CYB5R4: variants seen among roughly 807,000 people sequenced by gnomAD.
CYB5R4 encodes the protein N-terminal cytochrome b5 and cytochrome b5 oxidoreductase domain-containing protein.
Under a neutral mutation model 70.2 loss-of-function variants are expected in CYB5R4, and 55 were observed. That is an observed-to-expected ratio of 0.78 (90% confidence interval 0.63 to 0.98). The LOEUF (loss-of-function observed/expected upper bound fraction) is 0.98. CYB5R4 is among the 50% of genes least tolerant of loss of function. The pLI is 0.00. For missense variants in CYB5R4, 562 were observed against 612.6 expected (o/e 0.92, Z 0.87); for synonymous variants, 197 against 199.5 (o/e 0.99, Z 0.11).
chr6:83,949,114 C>CTTT (rs35294668), intron 14 of CYB5R4, among the ~76,000 whole-genome samples: 4 of 125,854 alleles, frequency 3.2e-5, no homozygotes, highest in Non-Finnish European at 3.4e-5. Flanking sequence ...GCGTTTTGGG[C>CTTT]TTTTTTTTTT....
intron 3 of CYB5R4, among the ~76,000 whole-genome samples, chr6:83,901,862 C>G (rs1160536188): frequency 6.6e-6 from 1 of 151,900 alleles, no homozygotes; most frequent in East Asian, 1.9e-4. Flanking sequence ...TGTTCTTTGC[C>G]CACTTCTTAA....
chr6:83,954,417 G>A (rs1440015759), intron 14 of CYB5R4, among the ~76,000 whole-genome samples: 1 of 152,084 alleles, frequency 6.6e-6, no homozygotes, highest in East Asian at 1.9e-4. Flanking sequence ...GGTTCAGGGG[G>A]TACATGTGCA....
intron 2 of CYB5R4, among the ~76,000 whole-genome samples, chr6:83,871,277 C>A (rs1025246559): frequency 2.0e-5 from 3 of 152,040 alleles, no homozygotes; most frequent in Non-Finnish European, 4.4e-5. Flanking sequence ...CCACACCTGG[C>A]CTGTTCATTG....
intron 14 of CYB5R4, among the ~76,000 whole-genome samples, chr6:83,949,958 A>G (rs7745337): frequency 0.042 from 6,396 of 152,252 alleles, 460 homozygotes; most frequent in African/African-American, 0.15. Flanking sequence ...TCATTCATTC[A>G]TTCGTAAAAT....
chr6:83,941,129 A>G lies in CYB5R4; in HGVS notation c.1346+528A>G, dbSNP rs141352567. ...CGCTCTTTCACTAGTGATCCTTGGT[A>G]CACACTTTGGGAAGTGCTGGTACAG... On this transcript the variant is annotated intron_variant, in intron 14 of 15. Transcript: ENST00000369681. Among the ~76,000 whole-genome samples, 6 of 152,326 alleles carry G rather than the reference A, an allele frequency of 3.9e-5. No homozygotes were observed. In the East Asian group the frequency reaches 9.6e-4, roughly 24 times the overall value.
At chr6:83,947,943 C>A (rs1226268608) in intron 14 of CYB5R4, among the ~76,000 whole-genome samples, 38 of 152,056 alleles carry the variant, frequency 2.5e-4, no homozygotes, top group Non-Finnish European at 4.6e-4. Context: ...TAGTTCAACC[C>A]TTGTGGAAGA....
chr6:83,959,723 G>A (rs746077246), intron 15 of CYB5R4, 101 bp from the exon 16 acceptor site: 315 of 1,029,202 alleles, frequency 3.1e-4, no homozygotes, highest in Non-Finnish European at 4.2e-4. Context: ...TAGTGAATGG[G>A]GAAAATGAAA....
At position 83,948,571 on chromosome 6, in the gene CYB5R4, TTC is replaced by T. The variant is rs1457933356; in HGVS notation, c.1347-6725_1347-6724del. 3.3e-5 allele frequency among the ~76,000 whole-genome samples: 5 copies of T among 152,286 alleles called. No individual in the cohort carries two copies. In the East Asian group the frequency reaches 9.6e-4, roughly 29 times the overall value. On this transcript the variant is annotated intron_variant, in intron 14 of 15. Coordinates refer to ENST00000369681, the MANE Select transcript of CYB5R4 (RefSeq NM_016230.4). ...TTAAGATTGTTTTTTAGAAAAGTAT[TTC>T]TGATGGTTTTTTGGCTAAGGTATTC...
chr6:83,923,847 C>T (rs2099466821), intron 9 of CYB5R4, among the ~76,000 whole-genome samples: 1 of 151,212 alleles, frequency 6.6e-6, no homozygotes, highest in African/African-American at 2.4e-5. Flanking sequence ...GGGCGGATCT[C>T]GAGGTCAGGA....
intron 8 of CYB5R4, among the ~76,000 whole-genome samples, chr6:83,921,453 A>T (rs2099466358): frequency 6.6e-6 from 1 of 152,210 alleles, no homozygotes; most frequent in Admixed American, 6.5e-5. Context: ...CTCGTGCCTG[A>T]CACCTACAAG....
intron 4 of CYB5R4, among the ~76,000 whole-genome samples, chr6:83,912,229 T>C (rs2099464808): frequency 6.6e-6 from 1 of 152,118 alleles, no homozygotes; most frequent in Admixed American, 6.5e-5. Flanking sequence ...TTTCTGTTGA[T>C]GTTGTTGTTG....
At chr6:83,949,076 T>C (rs755049337) in intron 14 of CYB5R4, among the ~76,000 whole-genome samples, 3 of 151,874 alleles carry the variant, frequency 2.0e-5, no homozygotes, top group Non-Finnish European at 4.4e-5. Flanking sequence ...CCTAGTATTG[T>C]GTAATTTATG....
Position 83,934,696 on chromosome 6 carries a change from C to T in CYB5R4, c.916C>T (p.Pro306Ser). The change falls in exon 11 of 16, where the codon CCC (proline) becomes TCC (serine). Residue 306 changes from proline to serine, a missense_variant. Physicochemically the swap from Pro to Ser is moderately conservative, Grantham distance 74. Coordinates refer to ENST00000369681, the MANE Select transcript of CYB5R4 (RefSeq NM_016230.4). The stretch of plus-strand genomic sequence containing the variant: ...GCCACCAAGCACTCATCTTCAAGTG[C>T]CCATTGGGCAACATGTTTACCTCAA... ...MLPPSTHLQV[P>S]IGQHVYLKLP... is the part of the protein sequence containing the mutation. The T allele has an allele frequency of 6.2e-7, 1 of 1,613,536 alleles. No homozygotes were observed. The highest frequency in any genetic ancestry group is 1.3e-5 in the African/African-American group (1 of 75,018).
intron 9 of CYB5R4, among the ~76,000 whole-genome samples, chr6:83,924,211 A>G (rs906718988): frequency 6.6e-6 from 1 of 151,108 alleles, no homozygotes; most frequent in African/African-American, 2.4e-5. Flanking sequence ...TTGTTTGAAA[A>G]CCAGCAACAC....
intron 5 of CYB5R4, among the ~76,000 whole-genome samples, chr6:83,916,496 A>G (rs1259358343): frequency 6.6e-6 from 1 of 152,200 alleles, no homozygotes; most frequent in African/African-American, 2.4e-5. Context: ...CATATTAGAA[A>G]AAATACATTT....
At chr6:83,874,859 T>C (rs2099458261) in intron 2 of CYB5R4, among the ~76,000 whole-genome samples, 2 of 152,016 alleles carry the variant, frequency 1.3e-5, no homozygotes, top group African/African-American at 2.4e-5. Context: ...AGTCTCACTC[T>C]GTCGCCAGGC....
rs370959517 is a variant in CYB5R4 at position 83,918,072 on chromosome 6, A to C, written c.506+7A>C. Reference sequence around the variant, plus strand: ...AAGGTCCTAGTTATCCAAGGTATGCATTCTTATTTAAAATTTTTAAAGTTA... The same window carrying C: ...AAGGTCCTAGTTATCCAAGGTATGCCTTCTTATTTAAAATTTTTAAAGTTA... On this transcript the variant is annotated splice_region_variant and intron_variant, in intron 6 of 15. Coordinates refer to ENST00000369681, the MANE Select transcript of CYB5R4 (RefSeq NM_016230.4). The C allele has an allele frequency of 8.7e-6, 14 of 1,601,994 alleles. No homozygotes were observed. Among genetic ancestry groups the C allele is most frequent in the Non-Finnish European group, 1.2e-5 (14 of 1,170,994 alleles).
intron 1 of CYB5R4, among the ~76,000 whole-genome samples, chr6:83,860,915 C>T (rs372309880): frequency 8.5e-5 from 13 of 152,286 alleles, no homozygotes; most frequent in Middle Eastern, 3.4e-3. Context: ...GTCTCTATTT[C>T]GCAGAAAAGG....
chr6:83,878,520 G>A (rs1427986081), intron 2 of CYB5R4, among the ~76,000 whole-genome samples: 1 of 152,060 alleles, frequency 6.6e-6, no homozygotes, highest in African/African-American at 2.4e-5. Flanking sequence ...GCCAATTTTT[G>A]TATTTTTAGT....
Sources: gnomAD v4.1 joint callset for allele counts (sites outside exome capture counted in the v4.1 genomes callset) on GRCh38, gnomAD v4.1.1 for gene constraint, MANE v1.5 for transcripts, NCBI Gene and HGNC (gene_info 2026-07-23, HGNC 2026-07-21) for gene names.